The following SCAPER variants were observed in gnomAD, a reference collection of about 807,000 sequenced individuals.
The protein encoded by SCAPER is S-phase cyclin A associated protein in the ER.
SCAPER carries 98 observed loss-of-function variants against 182.2 expected under a neutral mutation model. The observed-to-expected ratio is 0.54, with a 90% confidence interval of 0.46 to 0.64. SCAPER has a LOEUF of 0.64. Ranked by LOEUF, SCAPER falls within the 30% of genes least tolerant of loss-of-function variation. SCAPER has a pLI of 0.00. For missense variants in SCAPER, 1,432 were observed against 1,690.0 expected (o/e 0.85, Z 2.68); for synonymous variants, 605 against 564.6 (o/e 1.07, Z -1.01).
chr15:76,750,721 AAAC>A (rs2062038073), intron 15 of SCAPER, among the ~76,000 whole-genome samples: 1 of 151,916 alleles, frequency 6.6e-6, no homozygotes, highest in African/African-American at 2.4e-5. Flanking sequence ...TCATGATAAA[AAAC>A]AACAAACTAG....
At chr15:76,714,566 C>T (rs200115279) in intron 17 of SCAPER, among the ~76,000 whole-genome samples, 8 of 147,754 alleles carry the variant, frequency 5.4e-5, no homozygotes, top group East Asian at 2.0e-4. Context: ...GTAGTAGTAG[C>T]AGTAGTAGTA....
At chr15:76,522,690 G>T (rs2042923477) in intron 23 of SCAPER, among the ~76,000 whole-genome samples, 5 of 152,034 alleles carry the variant, frequency 3.3e-5, no homozygotes, top group Admixed American at 3.3e-4. Flanking sequence ...GACGACTAAG[G>T]TGTAGAATTT....
rs2045924312 is a variant in SCAPER, at chr15:76,553,222, AGCATGCTGCT to A, written c.2838+20926_2838+20935del. On this transcript the variant is annotated intron_variant, in intron 23 of 31. Transcript: ENST00000563290. ...GAGGCACAGGCAGTCCACCACGTAG[AGCATGCTGCT>A]GCATTGCAAGTGCCTGTGCAGATGC... is the stretch of plus-strand genomic sequence containing the variant. 2.0e-5 allele frequency among the ~76,000 whole-genome samples: 3 copies of A among 152,182 alleles called. No homozygotes were observed. The South Asian group carries it at 6.2e-4, about 32-fold the overall frequency.
At chr15:76,608,428 C>A (rs1017192558) in intron 22 of SCAPER, among the ~76,000 whole-genome samples, 1 of 152,214 alleles carries the variant, frequency 6.6e-6, no homozygotes, top group Non-Finnish European at 1.5e-5. Flanking sequence ...TCTGCCCCTA[C>A]TGGGGGATGC....
In SCAPER at chr15:76,858,408, C is replaced by G. The variant is rs113947452; in HGVS notation, c.125-529G>C. ...TTCTTTTTTATAAGAAAGACACCAA[C>G]TACTGTTTTGTAATTACTATTCTCA... On this transcript the variant is annotated intron_variant, in intron 3 of 31. Transcript: ENST00000563290. 7.9e-3 allele frequency among the ~76,000 whole-genome samples: 1,209 copies of G among 152,224 alleles called. 11 individuals carry two copies. Among genetic ancestry groups the G allele is most frequent in the African/African-American group, 0.028 (1,148 of 41,524 alleles).
At chr15:76,771,146 A>C (rs2063446404) in intron 10 of SCAPER, among the ~76,000 whole-genome samples, 1 of 152,152 alleles carries the variant, frequency 6.6e-6, no homozygotes, top group South Asian at 2.1e-4. Context: ...TTTTTAAACA[A>C]AGTTAGCATG....
intron 20 of SCAPER, among the ~76,000 whole-genome samples, chr15:76,690,962 C>T (rs576710973): frequency 6.6e-6 from 1 of 152,106 alleles, no homozygotes; most frequent in East Asian, 1.9e-4. Flanking sequence ...GGTATTTCCA[C>T]TGGAATCAAA....
At chr15:76,430,076 A>G (rs1009095100) in intron 26 of SCAPER, among the ~76,000 whole-genome samples, 1 of 152,246 alleles carries the variant, frequency 6.6e-6, no homozygotes, top group Non-Finnish European at 1.5e-5. Flanking sequence ...GGAAGCCCCA[A>G]GCCTTGGCAG....
At chr15:76,566,798 C>A (rs1339954839) in intron 23 of SCAPER, among the ~76,000 whole-genome samples, 1 of 151,848 alleles carries the variant, frequency 6.6e-6, no homozygotes, top group Non-Finnish European at 1.5e-5. Flanking sequence ...TTATTTGGAG[C>A]AATTTATTTT....
At chr15:76,452,688 T>G (rs1329737653) in intron 25 of SCAPER, among the ~76,000 whole-genome samples, 1 of 152,234 alleles carries the variant, frequency 6.6e-6, no homozygotes, top group Non-Finnish European at 1.5e-5. Flanking sequence ...TTTCAGCTAT[T>G]GAGGTCAATG....
At chr15:76,780,075 C>A (rs1225540749) in intron 8 of SCAPER, among the ~76,000 whole-genome samples, 1 of 152,224 alleles carries the variant, frequency 6.6e-6, no homozygotes, top group Non-Finnish European at 1.5e-5. Context: ...GGGCTGGGTG[C>A]CGCCTCACCC....
chr15:76,721,654 G>T lies in SCAPER; in HGVS notation c.2165+6941C>A, dbSNP rs1186664513. Among the ~76,000 whole-genome samples the T allele has an allele frequency of 3.0e-3, 452 of 151,840 alleles. 1 individual carries two copies. Among genetic ancestry groups the T allele is most frequent in the African/African-American group, 9.1e-3 (376 of 41,412 alleles). ...AGAGGTCCTTCACGTCCCTTGTAAGGTGGATTCCTAGGTATTTTATTCTCT... is the reference window on the plus strand; with the variant it reads ...AGAGGTCCTTCACGTCCCTTGTAAGTTGGATTCCTAGGTATTTTATTCTCT... On this transcript the variant is annotated intron_variant, in intron 17 of 31. Coordinates refer to ENST00000563290, the MANE Select transcript of SCAPER (RefSeq NM_020843.4).
At chr15:76,683,282 T>C (rs1012029203) in intron 20 of SCAPER, among the ~76,000 whole-genome samples, 13 of 152,170 alleles carry the variant, frequency 8.5e-5, no homozygotes, top group South Asian at 8.3e-4. Flanking sequence ...AACAGCAGAA[T>C]TGACCAAGCT....
intron 4 of SCAPER, among the ~76,000 whole-genome samples, chr15:76,850,178 C>T (rs776835583): frequency 3.3e-5 from 5 of 152,162 alleles, no homozygotes; most frequent in African/African-American, 9.7e-5. Flanking sequence ...CAAATAAAGA[C>T]CTTGCACAAA....
intron 22 of SCAPER, among the ~76,000 whole-genome samples, chr15:76,589,977 G>A (rs925606207): frequency 3.9e-5 from 6 of 152,196 alleles, no homozygotes; most frequent in Admixed American, 6.5e-5. Context: ...GTGTTTGGGG[G>A]TGGACCATCC....
chr15:76,790,156 A>C (rs2151442456), intron 8 of SCAPER, among the ~76,000 whole-genome samples: 1 of 151,756 alleles, frequency 6.6e-6, no homozygotes, highest in East Asian at 1.9e-4. Flanking sequence ...GTGTGAACCC[A>C]GGAGGCGGAG....
intron 26 of SCAPER, among the ~76,000 whole-genome samples, chr15:76,421,803 G>A (rs1014963626): frequency 1.3e-5 from 2 of 152,170 alleles, no homozygotes; most frequent in Non-Finnish European, 2.9e-5. Flanking sequence ...TTTGTATAAG[G>A]TGTAAGGAAG....
At chr15:76,750,942 T>C (rs994967668) in intron 15 of SCAPER, among the ~76,000 whole-genome samples, 1 of 151,788 alleles carries the variant, frequency 6.6e-6, no homozygotes, top group African/African-American at 2.4e-5. Context: ...AGTAGTAAGA[T>C]TATCTTTGTT....
intron 15 of SCAPER, 49 bp from the exon 16 acceptor site, chr15:76,733,433 C>T: frequency 6.3e-7 from 1 of 1,577,898 alleles, no homozygotes; most frequent in East Asian, 2.2e-5. Flanking sequence ...AATTCTAGGG[C>T]ACATTACAAA....
Sources: gnomAD v4.1 joint callset for allele counts (sites outside exome capture counted in the v4.1 genomes callset) on GRCh38, gnomAD v4.1.1 for gene constraint, MANE v1.5 for transcripts, NCBI Gene and HGNC (gene_info 2026-07-23, HGNC 2026-07-21) for gene names.